The following IGLL5 variants were observed in gnomAD, a reference collection of about 807,000 sequenced individuals.
IGLL5 encodes the protein immunoglobulin lambda like polypeptide 5, also known as immunoglobulin lambda-like polypeptide 5.
A neutral mutation model predicts 20.9 loss-of-function variants in IGLL5; 30 were observed. The ratio of observed to expected loss-of-function variants is 1.44; its 90% CI spans 1.07 to 1.95. IGLL5 has a LOEUF of 1.95. Among genes scored for constraint, IGLL5 ranks in the 30% most tolerant of loss-of-function variants. IGLL5 has a pLI of 0.00. For missense variants in IGLL5, 475 were observed against 270.7 expected (o/e 1.75, Z -5.30); for synonymous variants, 203 against 117.3 (o/e 1.73, Z -4.72).
chr22:22,888,870 T>G (rs553110395), intron 1 of IGLL5, among the ~76,000 whole-genome samples: 1 of 151,358 alleles, frequency 6.6e-6, no homozygotes, highest in East Asian at 2.0e-4. Context: ...AGAGGGGATC[T>G]CCCTCTGGGA....
In IGLL5 at chr22:22,894,632, A is replaced by T. The variant is rs571601943; in HGVS notation, c.326-743A>T. On this transcript the variant is annotated intron_variant, in intron 2 of 2. Coordinates refer to ENST00000526893, the MANE Select transcript of IGLL5 (RefSeq NM_001178126.2). ...GTGAATGAGGGGTGCAGAGAACTCC[A>T]TGGCTACCAGGTGAAGTTTGGGGTC... Among the ~76,000 whole-genome samples, 3 of 150,968 alleles carry T rather than the reference A, an allele frequency of 2.0e-5. 1 individual carries two copies. Among genetic ancestry groups the T allele is most frequent in the South Asian group, 2.1e-4 (1 of 4,732 alleles).
chr22:22,889,110 G>C (rs56202521), intron 1 of IGLL5, among the ~76,000 whole-genome samples: 1 of 151,172 alleles, frequency 6.6e-6, no homozygotes, highest in African/African-American at 2.4e-5. Context: ...TGTGTTTTTG[G>C]AAAAATCAGC....
rs536150082 is a variant in IGLL5, at chr22:22,888,408, T to C, written c.206+149T>C. The C allele has an allele frequency of 3.7e-5, 24 of 645,560 alleles. 1 individual carries two copies. Among genetic ancestry groups the C allele is most frequent in the Middle Eastern group, 4.3e-4 (1 of 2,328 alleles). 40.0% of individuals were successfully genotyped at this position (645,560 alleles called of 1,614,324 possible). A position where few individuals can be genotyped will look rare whatever the true frequency, so the allele number is the denominator to read the frequency against. ...CACTGGCTTTAGTAATGGGTTGATA[T>C]TTTGTCCATCACAGATTTGTTTGAA... On this transcript the variant is annotated intron_variant, in intron 1 of 2. Transcript: ENST00000526893.
chr22:22,888,698 GC>G (rs2067633999), intron 1 of IGLL5, among the ~76,000 whole-genome samples: 1 of 151,194 alleles, frequency 6.6e-6, no homozygotes, highest in Non-Finnish European at 1.5e-5. Flanking sequence ...GGAGAAGGCA[GC>G]AAGGGCTTGG....
intron 1 of IGLL5, among the ~76,000 whole-genome samples, chr22:22,888,953 T>A: frequency 6.6e-6 from 1 of 151,068 alleles, no homozygotes; most frequent in East Asian, 2.0e-4. Flanking sequence ...CAGAGCAGCG[T>A]CAGAGGAGAG....
chr22:22,895,936 A>C lies in IGLL5; in HGVS notation c.*242A>C, dbSNP rs556003366. ...CTGCACCCAGTGTGAAAATCACCCAAGGGAGGAGGCTCACAGCCTCCCTGA... is the reference window on the plus strand; with the variant it reads ...CTGCACCCAGTGTGAAAATCACCCACGGGAGGAGGCTCACAGCCTCCCTGA... On this transcript the variant is annotated 3_prime_UTR_variant, in exon 3 of 3. Transcript: ENST00000526893. The C allele has an allele frequency of 5.6e-5, 33 of 594,534 alleles. No individual in the cohort carries two copies. The highest frequency in any genetic ancestry group is 3.2e-4 in the African/African-American group (17 of 53,600). 36.8% of individuals were successfully genotyped at this position (594,534 alleles called of 1,614,324 possible). A position where few individuals can be genotyped will look rare whatever the true frequency, so the allele number is the denominator to read the frequency against.
At chr22:22,889,853 T>A (rs2067758445) in intron 1 of IGLL5, among the ~76,000 whole-genome samples, 1 of 151,390 alleles carries the variant, frequency 6.6e-6, no homozygotes, top group African/African-American at 2.4e-5. Context: ...TGCCTCAGTT[T>A]CCCACGTGCT....
At chr22:22,888,582 A>G (rs1435454680) in intron 1 of IGLL5, among the ~76,000 whole-genome samples, 3 of 151,222 alleles carry the variant, frequency 2.0e-5, no homozygotes, top group South Asian at 2.1e-4. Context: ...CAGGACATCC[A>G]CAGGGGGTGG....
At chr22:22,894,553 G>A (rs947786849) in intron 2 of IGLL5, among the ~76,000 whole-genome samples, 3 of 151,408 alleles carry the variant, frequency 2.0e-5, no homozygotes, top group Non-Finnish European at 4.4e-5. Context: ...TTCACGGATC[G>A]GCCTCCTGCC....
intron 1 of IGLL5, among the ~76,000 whole-genome samples, chr22:22,888,859 G>T (rs571618130): frequency 6.6e-6 from 1 of 151,434 alleles, no homozygotes; most frequent in African/African-American, 2.4e-5. Flanking sequence ...GCAATAAAGG[G>T]AGAGGGGATC....
intron 1 of IGLL5, among the ~76,000 whole-genome samples, chr22:22,888,676 G>A (rs942045968): frequency 6.6e-6 from 1 of 151,228 alleles, no homozygotes; most frequent in African/African-American, 2.4e-5. Context: ...GTGAGGGCAG[G>A]GGCCACTCCC....
intron 2 of IGLL5, among the ~76,000 whole-genome samples, chr22:22,894,847 G>A (rs1190684298): frequency 6.6e-6 from 1 of 151,386 alleles, no homozygotes; most frequent in Admixed American, 6.6e-5. Context: ...AAGTGGGCTG[G>A]GCTGGGGCAG....
intron 1 of IGLL5, among the ~76,000 whole-genome samples, chr22:22,891,744 G>A (rs1194891541): frequency 1.3e-5 from 2 of 151,262 alleles, no homozygotes; most frequent in African/African-American, 2.4e-5. Context: ...TAAAGGGTTT[G>A]TAAATATAAT....
chr22:22,888,227 C>T lies in IGLL5; in HGVS notation c.174C>T (p.Ser58=), dbSNP rs538609996. ...CAGACCCTGGAGCCTCAGTTGGAAG[C>T]AGCCGATCCAGCCTGCGGAGCCTGT... ...GDPDPGASVG[S]SRSSLRSLWG... The change falls in exon 1 of 3, where the codon AGC becomes AGT. Residue 58 remains serine, a synonymous_variant. Transcript: ENST00000526893. The T allele has an allele frequency of 1.2e-5, 19 of 1,548,044 alleles. No homozygotes were observed. The East Asian group carries it at 1.7e-4, about 14-fold the overall frequency.
intron 2 of IGLL5, among the ~76,000 whole-genome samples, chr22:22,894,033 G>GCT (rs2067970829): frequency 6.7e-6 from 1 of 150,178 alleles, no homozygotes; most frequent in African/African-American, 2.5e-5. Context: ...CTGGTCCCGG[G>GCT]GCCTGAGCTG....
rs2066760018 is a variant in IGLL5 at position 22,896,062 on chromosome 22, C to CA, written c.*369dup. ...CTGGCATCAGTTCAGACCAGTCCCA[C>CA]ACCCTCCTAAATTTTACTTCTCAAT... On this transcript the variant is annotated 3_prime_UTR_variant, in exon 3 of 3. Coordinates refer to ENST00000526893, the MANE Select transcript of IGLL5 (RefSeq NM_001178126.2). 2 of 423,636 alleles carry CA rather than the reference C, an allele frequency of 4.7e-6. No homozygotes were observed. The highest frequency in any genetic ancestry group is 2.0e-5 in the African/African-American group (1 of 49,810). 26.2% of individuals were successfully genotyped at this position (423,636 alleles called of 1,614,324 possible).
intron 1 of IGLL5, among the ~76,000 whole-genome samples, chr22:22,890,366 T>A (rs2067794370): frequency 6.7e-6 from 1 of 148,332 alleles, no homozygotes; most frequent in Admixed American, 6.8e-5. Flanking sequence ...GGATTTTATT[T>A]TGCAAAAGTA....
intron 1 of IGLL5, among the ~76,000 whole-genome samples, chr22:22,888,631 C>T (rs1347967748): frequency 3.3e-5 from 5 of 151,220 alleles, no homozygotes; most frequent in South Asian, 2.1e-4. Context: ...CCTGTTCCTC[C>T]CCCTCCTCCT....
intron 2 of IGLL5, among the ~76,000 whole-genome samples, chr22:22,894,251 A>C (rs181348727): frequency 2.7e-5 from 4 of 149,586 alleles, no homozygotes; most frequent in East Asian, 2.1e-4. Flanking sequence ...CTGAGGGTCT[A>C]GGCTGAGGAC....
Sources: gnomAD v4.1 joint callset for allele counts (sites outside exome capture counted in the v4.1 genomes callset) on GRCh38, gnomAD v4.1.1 for gene constraint, MANE v1.5 for transcripts, NCBI Gene and HGNC (gene_info 2026-07-23, HGNC 2026-07-21) for gene names.